Variants in USP34 observed in about 807,000 individuals in gnomAD.
USP34 encodes ubiquitin carboxyl-terminal hydrolase 34.
Under a neutral mutation model 460.3 loss-of-function variants are expected in USP34, and 70 were observed. That is an observed-to-expected ratio of 0.15 (90% CI 0.13 to 0.19). USP34 has a LOEUF of 0.19. Ranked by LOEUF, USP34 falls within the 10% of genes least tolerant of loss-of-function variation. The pLI is 1.00. For synonymous variants in USP34, 1,647 were observed against 1,405.3 expected (o/e 1.17, Z -3.85); for missense variants, 3,985 against 4,236.2 (o/e 0.94, Z 1.65).
chr2:61,330,221 T>G (rs1292869813), intron 20 of USP34, among the ~76,000 whole-genome samples: 1 of 152,228 alleles, frequency 6.6e-6, no homozygotes, highest in African/African-American at 2.4e-5. Context: ...TACTCATTTC[T>G]AAAGTAAAAC....
intron 41 of USP34, among the ~76,000 whole-genome samples, chr2:61,270,692 T>C (rs1487872841): frequency 6.6e-6 from 1 of 152,108 alleles, no homozygotes; most frequent in Non-Finnish European, 1.5e-5. Flanking sequence ...TGCCTTGGCC[T>C]CCCAATGTGC....
Position 61,188,100 on chromosome 2 carries a change from T to G in USP34, c.*2A>C, listed in dbSNP as rs751900335. ...TTAAAAGTAGACATGCTACACCTAA[T>G]GTCAAGAAGCAGCTTGGTTTCCTTT... is the stretch of plus-strand genomic sequence containing the variant. On this transcript the variant is annotated 3_prime_UTR_variant, in exon 80 of 80. Coordinates refer to ENST00000398571, the MANE Select transcript of USP34 (RefSeq NM_014709.4). 6.2e-7 allele frequency: 1 copy of G among 1,610,440 alleles called. No individual in the cohort carries two copies. The highest frequency in any genetic ancestry group is 8.5e-7 in the Non-Finnish European group (1 of 1,177,920).
At chr2:61,439,483 G>A (rs946170249) in intron 1 of USP34, among the ~76,000 whole-genome samples, 9 of 152,286 alleles carry the variant, frequency 5.9e-5, no homozygotes, top group Middle Eastern at 3.4e-3. Flanking sequence ...TGGGAGGGAA[G>A]GGGCCGTTTC....
intron 15 of USP34, among the ~76,000 whole-genome samples, chr2:61,346,555 G>T (rs1365019818): frequency 8.1e-6 from 1 of 122,948 alleles, no homozygotes; most frequent in African/African-American, 3.1e-5. Flanking sequence ...AAAAAAAAAG[G>T]CCAGGTGCAG....
chr2:61,263,614 T>C (rs1558498176), intron 43 of USP34, among the ~76,000 whole-genome samples: 1 of 152,052 alleles, frequency 6.6e-6, no homozygotes, highest in Non-Finnish European at 1.5e-5. Flanking sequence ...CCCAAATAGC[T>C]GGGATTAGAG....
intron 13 of USP34, 51 bp downstream of exon 13, chr2:61,349,199 C>G (rs1472403343): frequency 6.3e-7 from 1 of 1,575,130 alleles, no homozygotes; most frequent in African/African-American, 1.4e-5. Context: ...TCTAGAAAAC[C>G]ACTATAAAAA....
In USP34 at chr2:61,349,380, A is replaced by G. The variant is rs143141711; in HGVS notation, c.1508-95T>C. The G allele has an allele frequency of 1.3e-4, 169 of 1,329,368 alleles. No individual in the cohort carries two copies. In the African/African-American group the frequency reaches 2.2e-3, roughly 17 times the overall value. The allele number at this position is 1,329,368 out of a possible 1,614,324, so 82.3% of individuals were successfully genotyped here. Reference sequence around the variant, plus strand: ...TTGTTCATATTACATAATCAACAAGATGTAAGTGGAGAAACCTGCAATAAG... The same window carrying G: ...TTGTTCATATTACATAATCAACAAGGTGTAAGTGGAGAAACCTGCAATAAG... On this transcript the variant is annotated intron_variant, in intron 12 of 79. Transcript: ENST00000398571.
rs530953566 is a variant in USP34 at position 61,303,726 on chromosome 2, A to G, written c.3818-2272T>C. On this transcript the variant is annotated intron_variant, in intron 27 of 79. Coordinates refer to ENST00000398571, the MANE Select transcript of USP34 (RefSeq NM_014709.4). ...ATTCTCCTGCCTCAGCCTCCCAAGT[A>G]GCTGGGACTACAGGCGCCTGCCACC... Among the ~76,000 whole-genome samples the G allele has an allele frequency of 2.0e-5, 3 of 151,678 alleles. No homozygotes were observed. The East Asian group carries it at 5.9e-4, about 30-fold the overall frequency.
rs202008501 is a variant in USP34, at chr2:61,385,115, TAC to T, written c.754-1781_754-1780del. ...ATTATTTGTTCCTGAGAACAAATAA[TAC>T]AGTTTTCAAAACGATTCCCTTAAGA... is the stretch of plus-strand genomic sequence containing the variant. On this transcript the variant is annotated intron_variant, in intron 5 of 79. Transcript: ENST00000398571. Among the ~76,000 whole-genome samples, 6 of 152,242 alleles carry T rather than the reference TAC, an allele frequency of 3.9e-5. No individual in the cohort carries two copies. In the East Asian group the frequency reaches 5.8e-4, roughly 15 times the overall value.
intron 10 of USP34, among the ~76,000 whole-genome samples, chr2:61,356,494 C>CACACAT (rs757486313): frequency 1.3e-5 from 2 of 151,706 alleles, no homozygotes; most frequent in African/African-American, 4.8e-5. Flanking sequence ...CACACACACA[C>CACACAT]ACACATACAC....
rs532154606 is a variant in USP34, at chr2:61,316,581, T to C, written c.3282+1073A>G. Among the ~76,000 whole-genome samples, 18 of 149,678 alleles carry C rather than the reference T, an allele frequency of 1.2e-4. No homozygotes were observed. In the South Asian group the frequency reaches 2.5e-3, roughly 21 times the overall value. On this transcript the variant is annotated intron_variant, in intron 23 of 79. Transcript: ENST00000398571. ...GCCTGGGCGACAGAGCCAGACACCA[T>C]CTCAAAAAAAATAATCATAATGGCC...
At chr2:61,209,750 C>G (rs997683352) in intron 69 of USP34, among the ~76,000 whole-genome samples, 1 of 152,078 alleles carries the variant, frequency 6.6e-6, no homozygotes, top group African/African-American at 2.4e-5. Context: ...TAGACAGGCC[C>G]TACAGGAGGG....
chr2:61,372,239 C>A (rs1026511179), intron 8 of USP34, among the ~76,000 whole-genome samples: 1 of 151,458 alleles, frequency 6.6e-6, no homozygotes, highest in South Asian at 2.1e-4. Context: ...TAAAAAAAAA[C>A]CACTAGGACT....
At chr2:61,369,297 A>G (rs1289988468) in intron 10 of USP34, among the ~76,000 whole-genome samples, 1 of 152,196 alleles carries the variant, frequency 6.6e-6, no homozygotes, top group Non-Finnish European at 1.5e-5. Flanking sequence ...AGTTTCACAC[A>G]AGGATGAAAT....
At chr2:61,349,412 TC>T in intron 12 of USP34, 127 bp from the exon 13 acceptor site, 1 of 878,538 alleles carries the variant, frequency 1.1e-6, no homozygotes. Flanking sequence ...TAAGGTTAAG[TC>T]CCCACCACCT....
chr2:61,343,204 A>G (rs1691659840), intron 16 of USP34, among the ~76,000 whole-genome samples: 4 of 152,220 alleles, frequency 2.6e-5, no homozygotes, highest in Admixed American at 2.6e-4. Context: ...TAAACTGCCA[A>G]TTCTAAAACT....
intron 68 of USP34, among the ~76,000 whole-genome samples, chr2:61,213,727 A>G (rs1037393676): frequency 2.6e-5 from 4 of 152,326 alleles, no homozygotes; most frequent in Middle Eastern, 3.4e-3. Flanking sequence ...TTTAAATAGC[A>G]AAGTACTCAA....
At position 61,339,567 on chromosome 2, in the gene USP34, G is replaced by A. The variant is rs746254162; in HGVS notation, c.2615C>T (p.Ala872Val). The change falls in exon 17 of 80, where the codon GCA (alanine) becomes GTA (valine). Residue 872 changes from alanine (A) to valine (V), a missense_variant and splice_region_variant. Around this residue, in one of 14 missense-constraint regions of USP34, gnomAD observed 46 missense variants for 83.1 expected, o/e 0.55. Coordinates refer to ENST00000398571, the MANE Select transcript of USP34 (RefSeq NM_014709.4). ...TTCTGGTTCTATTAAATAACTTACT[G>A]CATCTTCATCTTGGACTATATCCCA... The part of the protein sequence containing the change: ...LLWDIVQDED[A>V]VNLSEGLINE... The A allele has an allele frequency of 6.4e-7, 1 of 1,566,228 alleles. No individual in the cohort carries two copies. Among genetic ancestry groups the A allele is most frequent in the Non-Finnish European group, 8.6e-7 (1 of 1,163,476 alleles).
At position 61,387,964 on chromosome 2, in the gene USP34, T is replaced by C. The variant is rs1343322712; in HGVS notation, c.754-4628A>G. 1.8e-3 allele frequency among the ~76,000 whole-genome samples: 244 copies of C among 134,102 alleles called. 2 individuals are homozygous for C. Among genetic ancestry groups the C allele is most frequent in the South Asian group, 3.6e-3 (13 of 3,578 alleles). 88.0% of individuals were successfully genotyped at this position (134,102 alleles called of 152,430 possible). ...ACACACACACACACACACACATATATATATATAAATATAAAAAAAAGGCCA... is the reference window on the plus strand; with the variant it reads ...ACACACACACACACACACACATATACATATATAAATATAAAAAAAAGGCCA... On this transcript the variant is annotated intron_variant, in intron 5 of 79. Transcript: ENST00000398571.
Sources: gnomAD v4.1 joint callset for allele counts (sites outside exome capture counted in the v4.1 genomes callset) on GRCh38, gnomAD v4.1.1 for gene constraint, gnomAD v4.1.1 regional missense constraint, MANE v1.5 for transcripts, NCBI Gene and HGNC (gene_info 2026-07-23, HGNC 2026-07-21) for gene names.